SIPA1L2: variants seen among roughly 807,000 people sequenced by gnomAD.
SIPA1L2 encodes signal induced proliferation associated 1 like 2, also known as signal-induced proliferation-associated 1-like protein 2.
In SIPA1L2, 56 loss-of-function variants were observed where a neutral mutation model predicts 163.9. The ratio of observed to expected loss-of-function variants is 0.34; its 90% confidence interval spans 0.28 to 0.43. SIPA1L2 has a LOEUF of 0.43. Among genes scored for constraint, SIPA1L2 ranks in the 20% least tolerant of loss-of-function variants. SIPA1L2 has a pLI of 1.00. For synonymous variants in SIPA1L2, 877 were observed against 865.7 expected, an observed-to-expected ratio of 1.01 and a Z score of -0.23; for missense variants, 1,974 against 2,193.5, an observed-to-expected ratio of 0.90 and a Z score of 2.00.
At chr1:232,601,075 G>C (rs182871548) in intron 1 of SIPA1L2, among the ~76,000 whole-genome samples, 17 of 152,312 alleles carry the variant, frequency 1.1e-4, no homozygotes, top group Admixed American at 1.1e-3. Flanking sequence ...CCCTAGAGGA[G>C]AGCAAGGGAC....
chr1:232,459,458 TAATCAGAATTTATTTTTTCATATG>T (rs1664110991), intron 10 of SIPA1L2, among the ~76,000 whole-genome samples: 1 of 152,212 alleles, frequency 6.6e-6, no homozygotes, highest in Non-Finnish European at 1.5e-5. Flanking sequence ...TATCTTTGGA[TAATCAGAATTTATTTTTTCATATG>T]AAAGAAATTA....
At chr1:232,525,400 T>A (rs1011324596) in intron 2 of SIPA1L2, among the ~76,000 whole-genome samples, 1 of 86,844 alleles carries the variant, frequency 1.2e-5, no homozygotes, top group Non-Finnish European at 2.1e-5. Context: ...CAAGCCTGGC[T>A]ATTTTTTTTT....
In SIPA1L2 at chr1:232,439,212, C is replaced by T; in HGVS notation, c.3927G>A (p.Glu1309=). Residue 1309 remains glutamate (E), a synonymous_variant, in exon 15 of 23, where the codon GAG becomes GAA. Transcript: ENST00000674635. ...DAADVSGPDD[E]PAKLYSVHGY... is the part of the protein sequence containing the mutation. The stretch of plus-strand genomic sequence containing the variant: ...CATGCACAGAATATAACTTGGCTGG[C>T]TCGTCGTCAGGCCCAGAGACGTCGG... 1 of 1,613,830 alleles carries T rather than the reference C, an allele frequency of 6.2e-7. No homozygotes were observed. Among genetic ancestry groups the T allele is most frequent in the Non-Finnish European group, 8.5e-7 (1 of 1,180,042 alleles).
chr1:232,525,623 AG>A (rs1272038432), intron 2 of SIPA1L2, among the ~76,000 whole-genome samples: 1 of 152,112 alleles, frequency 6.6e-6, no homozygotes, highest in East Asian at 1.9e-4. Context: ...GTGCACTGCA[AG>A]GCTGCTCATG....
intron 9 of SIPA1L2, among the ~76,000 whole-genome samples, chr1:232,463,450 T>C (rs1417904002): frequency 6.6e-6 from 1 of 152,242 alleles, no homozygotes; most frequent in Non-Finnish European, 1.5e-5. Context: ...CAGCTCATGT[T>C]GCAAGTCATC....
At chr1:232,529,562 A>G (rs1667874658) in intron 2 of SIPA1L2, among the ~76,000 whole-genome samples, 1 of 152,168 alleles carries the variant, frequency 6.6e-6, no homozygotes, top group South Asian at 2.1e-4. Flanking sequence ...CAGCTTGGCT[A>G]AAAGAATGCC....
chr1:232,466,001 G>A (rs915430198), intron 8 of SIPA1L2, among the ~76,000 whole-genome samples: 1 of 152,010 alleles, frequency 6.6e-6, no homozygotes, highest in Non-Finnish European at 1.5e-5. Flanking sequence ...CTAGAACTCT[G>A]AGAAAATAAA....
chr1:232,592,701 C>T (rs1661026790), intron 1 of SIPA1L2, among the ~76,000 whole-genome samples: 1 of 151,780 alleles, frequency 6.6e-6, no homozygotes, highest in African/African-American at 2.4e-5. Context: ...TCTTTTTTAA[C>T]CTTTCCATAA....
Position 232,409,335 on chromosome 1 carries a change from G to A in SIPA1L2, c.4763-5157C>T, listed in dbSNP as rs1572853806. Among the ~76,000 whole-genome samples the A allele has an allele frequency of 3.3e-5, 5 of 152,100 alleles. No individual in the cohort carries two copies. In the South Asian group the frequency reaches 6.2e-4, roughly 19 times the overall value. On this transcript the variant is annotated intron_variant, in intron 19 of 22. Transcript: ENST00000674635. The stretch of plus-strand genomic sequence containing the variant: ...TTCCTTGGAATTCTCTCATATTTCC[G>A]ATGGTTTACTTCTCAAAGAACATGT...
intron 2 of SIPA1L2, among the ~76,000 whole-genome samples, chr1:232,528,117 A>T (rs978528986): frequency 8.3e-6 from 1 of 120,948 alleles, no homozygotes. Flanking sequence ...ACTTTCTAAA[A>T]ACCACAGGTA....
At chr1:232,420,904 C>T (rs1444883178) in intron 18 of SIPA1L2, among the ~76,000 whole-genome samples, 3 of 152,202 alleles carry the variant, frequency 2.0e-5, no homozygotes, top group Non-Finnish European at 1.5e-5. Context: ...AGGCTCCCCA[C>T]ACGAAGCACG....
At chr1:232,570,597 A>G (rs1659666880) in intron 2 of SIPA1L2, among the ~76,000 whole-genome samples, 1 of 152,224 alleles carries the variant, frequency 6.6e-6, no homozygotes, top group African/African-American at 2.4e-5. Flanking sequence ...AACCCATGTT[A>G]AAACAGCATT....
At chr1:232,615,288 G>A (rs1249826616) in intron 1 of SIPA1L2, among the ~76,000 whole-genome samples, 3 of 152,206 alleles carry the variant, frequency 2.0e-5, no homozygotes. Context: ...CACTAAAATC[G>A]ATCAGAATCG....
intron 2 of SIPA1L2, among the ~76,000 whole-genome samples, chr1:232,530,077 C>T (rs1487097076): frequency 6.6e-6 from 1 of 151,878 alleles, no homozygotes; most frequent in African/African-American, 2.4e-5. Flanking sequence ...CTTGTATAAC[C>T]AGAATCCTCA....
At chr1:232,562,065 T>C in intron 2 of SIPA1L2, among the ~76,000 whole-genome samples, 1 of 152,006 alleles carries the variant, frequency 6.6e-6, no homozygotes, top group East Asian at 1.9e-4. Flanking sequence ...CACCAACAAA[T>C]CCCCAGGAGT....
chr1:232,595,037 A>G (rs1397524631), intron 1 of SIPA1L2, among the ~76,000 whole-genome samples: 1 of 152,182 alleles, frequency 6.6e-6, no homozygotes, highest in East Asian at 1.9e-4. Flanking sequence ...CACAAAAGAA[A>G]CACAGCCAAG....
chr1:232,622,561 A>T (rs1411752101), intron 1 of SIPA1L2, among the ~76,000 whole-genome samples: 1 of 152,270 alleles, frequency 6.6e-6, no homozygotes, highest in African/African-American at 2.4e-5. Flanking sequence ...GCATCAGCAC[A>T]GATGAGACTT....
chr1:232,603,817 G>A (rs1033279595), intron 1 of SIPA1L2, among the ~76,000 whole-genome samples: 8 of 152,054 alleles, frequency 5.3e-5, no homozygotes, highest in Non-Finnish European at 2.9e-5. Context: ...TATACCCCAA[G>A]TCTTTACTGA....
chr1:232,431,368 T>G (rs183883777), intron 16 of SIPA1L2, among the ~76,000 whole-genome samples: 3 of 152,328 alleles, frequency 2.0e-5, no homozygotes, highest in Admixed American at 1.3e-4. Flanking sequence ...TAAAAGAATT[T>G]TTAATTTAGA....
Sources: gnomAD v4.1 joint callset for allele counts (sites outside exome capture counted in the v4.1 genomes callset) on GRCh38, gnomAD v4.1.1 for gene constraint, MANE v1.5 for transcripts, NCBI Gene and HGNC (gene_info 2026-07-23, HGNC 2026-07-21) for gene names.